Variants in RP1 observed in about 807,000 individuals in gnomAD.
RP1 encodes oxygen-regulated protein 1.
In RP1, 16 loss-of-function variants were observed where a neutral mutation model predicts 14.8. That is an observed-to-expected ratio of 1.08 (90% confidence interval 0.73 to 1.65). The LOEUF (loss-of-function observed/expected upper bound fraction) is 1.65, where lower values mean the gene tolerates loss of function less well. Ranked by LOEUF, RP1 falls within the 40% of genes most tolerant of loss-of-function variation. The probability of loss-of-function intolerance (pLI) is 0.00; values close to 1 mark genes in which losing one functional copy is unlikely to be tolerated. For synonymous variants in RP1, 876 were observed against 883.6 expected, an observed-to-expected ratio of 0.99 and a Z score of 0.15; for missense variants, 2,631 against 2,535.0, an observed-to-expected ratio of 1.04 and a Z score of -0.81.
chr8:54,728,344 C>G (rs543097322), intron 17 of RP1, among the ~76,000 whole-genome samples: 1 of 152,032 alleles, frequency 6.6e-6, no homozygotes, highest in African/African-American at 2.4e-5. Context: ...GGTTTTGCAC[C>G]TTAGCTGTCA....
intron 17 of RP1, among the ~76,000 whole-genome samples, chr8:54,730,036 G>A (rs552823113): frequency 6.6e-5 from 10 of 151,720 alleles, no homozygotes; most frequent in Non-Finnish European, 8.8e-5. Context: ...GTAAGTTTTC[G>A]TTCATCATAG....
intron 19 of RP1, among the ~76,000 whole-genome samples, chr8:54,741,707 G>GTGTA (rs1554528860): frequency 1.2e-3 from 71 of 58,022 alleles, no homozygotes; most frequent in African/African-American, 2.6e-3. Context: ...AAATGTGTGT[G>GTGTA]TATATATATA....
At chr8:54,849,313 AG>A (rs1180229696) in intron 25 of RP1, among the ~76,000 whole-genome samples, 1 of 152,078 alleles carries the variant, frequency 6.6e-6, no homozygotes, top group Non-Finnish European at 1.5e-5. Flanking sequence ...TAAGCAGCTG[AG>A]TTCATTCATT....
At chr8:54,564,572 C>G (rs1233544406) in intron 1 of RP1, among the ~76,000 whole-genome samples, 1 of 152,212 alleles carries the variant, frequency 6.6e-6, no homozygotes, top group East Asian at 1.9e-4. Flanking sequence ...ATGACAAAAA[C>G]AGGCTCATAG....
intron 1 of RP1, among the ~76,000 whole-genome samples, chr8:54,582,353 T>C (rs1372859656): frequency 6.6e-6 from 1 of 152,140 alleles, no homozygotes; most frequent in Non-Finnish European, 1.5e-5. Flanking sequence ...TTCTGTTCCA[T>C]TGGTCTACAT....
At chr8:54,709,185 G>A (rs1055020560) in intron 15 of RP1, among the ~76,000 whole-genome samples, 5 of 152,158 alleles carry the variant, frequency 3.3e-5, no homozygotes, top group African/African-American at 1.2e-4. Context: ...GGATACATGA[G>A]GCAGAGGTGA....
chr8:54,688,411 G>A (rs1300936891), intron 12 of RP1, among the ~76,000 whole-genome samples: 1 of 152,148 alleles, frequency 6.6e-6, no homozygotes, highest in Non-Finnish European at 1.5e-5. Context: ...GAATAGTATT[G>A]CCTAGGTTTT....
At chr8:54,727,530 A>G (rs1039460160) in intron 17 of RP1, among the ~76,000 whole-genome samples, 5 of 152,086 alleles carry the variant, frequency 3.3e-5, no homozygotes, top group Non-Finnish European at 7.4e-5. Flanking sequence ...ATGTCTTATG[A>G]AAATTTGTTC....
chr8:54,670,690 T>TAC (rs1563343315), intron 7 of RP1, among the ~76,000 whole-genome samples: 1 of 138,240 alleles, frequency 7.2e-6, no homozygotes, highest in East Asian at 2.1e-4. Flanking sequence ...TATATATATA[T>TAC]ATATATATAT....
rs759720621 is a variant in RP1 at position 54,624,738 on chromosome 8, A to G, written c.856A>G (p.Asn286Asp). 1.9e-6 allele frequency: 3 copies of G among 1,613,920 alleles called. No homozygotes were observed. Among genetic ancestry groups the G allele is most frequent in the East Asian group, 2.2e-5 (1 of 44,848 alleles). The change falls in exon 4 of 4, where the codon AAT becomes GAT. Residue 286 changes from asparagine (N) to aspartate (D), a missense_variant. Physicochemically the swap from Asn to Asp is conservative, Grantham distance 23. Transcript: ENST00000220676. ...YSVSSEKTHN[N>D]DCYLDYSFVP... is the part of the protein sequence containing the mutation. Reference sequence around the variant, plus strand: ...TGTTTCTTCTGAGAAAACACATAATAATGATTGCTACTTAGACTATTCTTT... The same window carrying G: ...TGTTTCTTCTGAGAAAACACATAATGATGATTGCTACTTAGACTATTCTTT...
chr8:54,718,525 G>A (rs570498433), intron 15 of RP1, among the ~76,000 whole-genome samples: 2 of 152,258 alleles, frequency 1.3e-5, no homozygotes, highest in South Asian at 2.1e-4. Context: ...GCCTACAAAC[G>A]AATCTAGACC....
At chr8:54,634,245 A>T (rs906229686), downstream of RP1, among the ~76,000 whole-genome samples, 1 of 152,204 alleles carries the variant, frequency 6.6e-6, no homozygotes, top group Non-Finnish European at 1.5e-5. Context: ...TGTGCCAAAG[A>T]TTGTATTTAA....
intron 1 of RP1, among the ~76,000 whole-genome samples, chr8:54,586,845 A>T (rs1040601061): frequency 8.5e-5 from 13 of 152,198 alleles, no homozygotes; most frequent in African/African-American, 2.9e-4. Context: ...CCATTGGAAA[A>T]GCGCAGTATT....
intron 1 of RP1, among the ~76,000 whole-genome samples, chr8:54,605,085 T>C (rs868364185): frequency 2.6e-5 from 4 of 152,290 alleles, no homozygotes; most frequent in Middle Eastern, 3.4e-3. Flanking sequence ...TGCTAGCTTT[T>C]GAATGTGTTT....
intron 8 of RP1, among the ~76,000 whole-genome samples, chr8:54,675,474 T>A (rs1476435014): frequency 2.6e-5 from 4 of 152,154 alleles, no homozygotes; most frequent in African/African-American, 9.7e-5. Context: ...TCAGTTACTC[T>A]CCTCGGTTGT....
At chr8:54,844,018 C>T (rs932853752) in intron 25 of RP1, among the ~76,000 whole-genome samples, 9 of 152,200 alleles carry the variant, frequency 5.9e-5, no homozygotes, top group Non-Finnish European at 8.8e-5. Context: ...TGTGATAAGG[C>T]TGAGGGCATC....
At chr8:54,750,276 T>G (rs1809324991) in intron 19 of RP1, among the ~76,000 whole-genome samples, 3 of 152,178 alleles carry the variant, frequency 2.0e-5, no homozygotes, top group Non-Finnish European at 2.9e-5. Context: ...GTATACCTGA[T>G]CACTTTTAAT....
intron 23 of RP1, among the ~76,000 whole-genome samples, chr8:54,775,581 G>A (rs768356977): frequency 1.3e-5 from 2 of 152,132 alleles, no homozygotes; most frequent in Non-Finnish European, 2.9e-5. Flanking sequence ...CATCTTGGAA[G>A]CAAATCCTCC....
At chr8:54,750,888 A>G (rs1030082793) in intron 19 of RP1, among the ~76,000 whole-genome samples, 3 of 152,208 alleles carry the variant, frequency 2.0e-5, no homozygotes, top group African/African-American at 7.2e-5. Context: ...GGGCATTCTG[A>G]TAGGACAGAA....
Sources: allele counts gnomAD v4.1 joint callset (sites outside exome capture counted in the v4.1 genomes callset), GRCh38; gene constraint gnomAD v4.1.1; transcripts MANE v1.5; gene names NCBI Gene and HGNC (gene_info 2026-07-23, HGNC 2026-07-21).